MOXD1: variants seen among roughly 807,000 people sequenced by gnomAD.
The protein encoded by MOXD1 is DBH-like monooxygenase protein 1.
MOXD1 carries 62 observed loss-of-function variants against 66.6 expected under a neutral mutation model. The observed-to-expected ratio is 0.93, with a 90% CI of 0.76 to 1.15. MOXD1 has a LOEUF of 1.15. Among genes scored for constraint, MOXD1 ranks in the 50% most tolerant of loss-of-function variants. The pLI, the probability that MOXD1 is intolerant of heterozygous loss-of-function variation, is 0.00. For missense variants in MOXD1, 847 were observed against 754.6 expected (o/e 1.12, Z -1.44); for synonymous variants, 303 against 281.9 (o/e 1.07, Z -0.75).
chr6:132,391,986 C>A, intron 1 of MOXD1: 1 of 537,034 alleles, frequency 1.9e-6, no homozygotes, highest in Non-Finnish European at 3.2e-6. Context: ...TCTTCGTTGC[C>A]TGGAAATTGG....
At chr6:132,392,392 A>G in intron 1 of MOXD1, 1 of 1,484,530 alleles carries the variant, frequency 6.7e-7, no homozygotes, top group East Asian at 2.5e-5. Context: ...CAAATTCAAC[A>G]GGCATATTCA....
chr6:132,391,356 C>T (rs1381062408), intron 1 of MOXD1: 1 of 152,128 alleles, frequency 6.6e-6, no homozygotes, highest in Non-Finnish European at 1.5e-5. Context: ...CAATCCCTAG[C>T]TTACAGTTAA....
intron 8 of MOXD1, among the ~76,000 whole-genome samples, chr6:132,321,032 C>A (rs930523465): frequency 5.9e-5 from 9 of 152,110 alleles, no homozygotes; most frequent in Non-Finnish European, 1.3e-4. Context: ...TTTGGGAGGG[C>A]AAGGCAGGTG....
chr6:132,383,379 C>T (rs185159648), intron 1 of MOXD1, among the ~76,000 whole-genome samples: 2 of 152,262 alleles, frequency 1.3e-5, no homozygotes, highest in East Asian at 3.9e-4. Flanking sequence ...ATAGAAGGCA[C>T]TTACCTTTTA....
chr6:132,305,414 C>T (rs1005588910), intron 10 of MOXD1, among the ~76,000 whole-genome samples: 2 of 152,244 alleles, frequency 1.3e-5, no homozygotes, highest in African/African-American at 2.4e-5. Flanking sequence ...CCTCTGTGGA[C>T]CAGCAGGCTT....
At chr6:132,380,225 C>A (rs559101538) in intron 1 of MOXD1, among the ~76,000 whole-genome samples, 4 of 152,160 alleles carry the variant, frequency 2.6e-5, no homozygotes, top group African/African-American at 9.7e-5. Flanking sequence ...GAAAAATCAC[C>A]CTCAGTGTGT....
intron 4 of MOXD1, 41 bp downstream of exon 4, chr6:132,372,567 A>C: frequency 1.4e-6 from 2 of 1,465,512 alleles, no homozygotes; most frequent in Non-Finnish European, 1.9e-6. Flanking sequence ...TTATTTTTCC[A>C]CTCATGAAAA....
intron 4 of MOXD1, among the ~76,000 whole-genome samples, chr6:132,368,788 T>C (rs1776198115): frequency 6.6e-6 from 1 of 152,100 alleles, no homozygotes; most frequent in Admixed American, 6.6e-5. Context: ...TATGCAGTAG[T>C]CTTCCCTCAT....
intron 10 of MOXD1, among the ~76,000 whole-genome samples, chr6:132,299,486 T>A (rs1248954156): frequency 6.6e-6 from 1 of 152,042 alleles, no homozygotes; most frequent in Non-Finnish European, 1.5e-5. Context: ...GAATACACTC[T>A]GCCTTCACCT....
chr6:132,394,692 G>GTT (rs1776835754), intron 1 of MOXD1, among the ~76,000 whole-genome samples: 1 of 152,022 alleles, frequency 6.6e-6, no homozygotes, highest in Admixed American at 6.6e-5. Context: ...ACATTCTAAA[G>GTT]TTTCAACAAC....
At chr6:132,393,726 C>T (rs550917991) in intron 1 of MOXD1, among the ~76,000 whole-genome samples, 1 of 152,312 alleles carries the variant, frequency 6.6e-6, no homozygotes, top group Admixed American at 6.5e-5. Flanking sequence ...AGAATGTGTT[C>T]TGCCTGGGGG....
intron 1 of MOXD1, among the ~76,000 whole-genome samples, chr6:132,377,124 G>A (rs1776406685): frequency 6.6e-6 from 1 of 152,124 alleles, no homozygotes; most frequent in Admixed American, 6.6e-5. Flanking sequence ...AATTAGCTAT[G>A]TCAGTTTTTC....
intron 1 of MOXD1, among the ~76,000 whole-genome samples, chr6:132,378,360 G>A (rs747606808): frequency 1.2e-4 from 18 of 151,944 alleles, no homozygotes; most frequent in Non-Finnish European, 2.2e-4. Flanking sequence ...GCAAGATTCC[G>A]AAATTTCCCC....
At chr6:132,360,910 C>T (rs181557894) in intron 4 of MOXD1, among the ~76,000 whole-genome samples, 5 of 152,240 alleles carry the variant, frequency 3.3e-5, no homozygotes, top group African/African-American at 1.2e-4. Context: ...CTGAAACATA[C>T]CATAAACCAA....
intron 10 of MOXD1, among the ~76,000 whole-genome samples, chr6:132,302,028 A>C (rs1481061334): frequency 6.6e-6 from 1 of 152,206 alleles, no homozygotes; most frequent in Non-Finnish European, 1.5e-5. Context: ...AGAAGCTTAC[A>C]TATTCAAGGT....
At chr6:132,377,478 C>T (rs1258370797) in intron 1 of MOXD1, among the ~76,000 whole-genome samples, 2 of 152,122 alleles carry the variant, frequency 1.3e-5, no homozygotes, top group Non-Finnish European at 2.9e-5. Context: ...ACAAAATATC[C>T]AGCTGGTTTG....
At chr6:132,322,034 TATAGGGATC>T (rs1413534985) in intron 8 of MOXD1, among the ~76,000 whole-genome samples, 1 of 152,214 alleles carries the variant, frequency 6.6e-6, no homozygotes, top group African/African-American at 2.4e-5. Context: ...TCGTAAATGG[TATAGGGATC>T]TGACTTTTAA....
intron 4 of MOXD1, among the ~76,000 whole-genome samples, chr6:132,331,746 G>A (rs1042495480): frequency 7.4e-4 from 112 of 152,152 alleles, no homozygotes; most frequent in African/African-American, 2.6e-3. Context: ...AGCTGGGAAA[G>A]GGTGATGGGA....
intron 4 of MOXD1, among the ~76,000 whole-genome samples, chr6:132,351,573 G>A (rs1775803432): frequency 1.3e-5 from 2 of 152,104 alleles, no homozygotes; most frequent in African/African-American, 4.8e-5. Context: ...TAGCATCTAA[G>A]TTCATTGGTT....
Sources: gnomAD v4.1 joint callset for allele counts (sites outside exome capture counted in the v4.1 genomes callset) on GRCh38, gnomAD v4.1.1 for gene constraint, MANE v1.5 for transcripts, NCBI Gene and HGNC (gene_info 2026-07-23, HGNC 2026-07-21) for gene names.